Variants in DHX32 observed in about 807,000 individuals in gnomAD.
The protein encoded by DHX32 is DEAH-box helicase 32 (putative), also known as putative pre-mRNA-splicing factor ATP-dependent RNA helicase DHX32.
Under a neutral mutation model 70.0 loss-of-function variants are expected in DHX32, and 51 were observed. The ratio of observed to expected loss-of-function variants is 0.73; its 90% CI spans 0.58 to 0.92. DHX32 has a LOEUF of 0.92. Among genes scored for constraint, DHX32 ranks in the 40% least tolerant of loss-of-function variants. DHX32 has a pLI of 0.00. For synonymous variants in DHX32, 310 were observed against 315.3 expected, an observed-to-expected ratio of 0.98 and a Z score of 0.18; for missense variants, 762 against 891.8, an observed-to-expected ratio of 0.85 and a Z score of 1.85.
chr10:125,853,352 A>G (rs972295813), intron 4 of DHX32: 2 of 575,544 alleles, frequency 3.5e-6, no homozygotes, highest in East Asian at 3.1e-5. Context: ...GAGATCTCAA[A>G]TGTTAGGATT....
At chr10:125,848,060 A>T (rs1427768441) in intron 6 of DHX32, among the ~76,000 whole-genome samples, 1 of 152,186 alleles carries the variant, frequency 6.6e-6, no homozygotes, top group East Asian at 1.9e-4. Context: ...ACAGAGAAAA[A>T]TGCAGTTATC....
At chr10:125,884,674 AG>A (rs1353202840), upstream of DHX32, among the ~76,000 whole-genome samples, 3 of 152,260 alleles carry the variant, frequency 2.0e-5, no homozygotes, top group Non-Finnish European at 2.9e-5. Flanking sequence ...CAGTAATTCT[AG>A]AAATACAGTT....
Position 125,858,136 on chromosome 10 carries a change from C to T in DHX32, c.849+1467G>A, listed in dbSNP as rs556664697. ...GGCTGGTCTCAACCTCCTGGCCTCA[C>T]GTGATCCTCCCGCCTCAGCCTCCCA... On this transcript the variant is annotated intron_variant, in intron 3 of 10. Transcript: ENST00000284690. Among the ~76,000 whole-genome samples, 6 of 152,094 alleles carry T rather than the reference C, an allele frequency of 3.9e-5. No homozygotes were observed. In the East Asian group the frequency reaches 9.7e-4, roughly 24 times the overall value.
intron 6 of DHX32, among the ~76,000 whole-genome samples, chr10:125,847,938 C>T (rs933884642): frequency 6.6e-6 from 1 of 152,204 alleles, no homozygotes. Flanking sequence ...GCTTGCCCCC[C>T]ACTCACCTCC....
intron 6 of DHX32, among the ~76,000 whole-genome samples, chr10:125,845,825 G>A (rs898127381): frequency 2.0e-5 from 3 of 152,228 alleles, no homozygotes; most frequent in African/African-American, 7.2e-5. Context: ...CACCCGCACC[G>A]TGAGGCAGGC....
chr10:125,878,520 T>C (rs1376520515), intron 1 of DHX32, among the ~76,000 whole-genome samples: 2 of 152,238 alleles, frequency 1.3e-5, no homozygotes, highest in African/African-American at 4.8e-5. Context: ...TCTAGAGACT[T>C]GCTCATTTCT....
At chr10:125,852,113 G>A (rs1944098386) in intron 6 of DHX32, among the ~76,000 whole-genome samples, 180 bp downstream of exon 6, 1 of 152,018 alleles carries the variant, frequency 6.6e-6, no homozygotes, top group African/African-American at 2.4e-5. Context: ...GAGGTTTGTG[G>A]GGTTTTAAAA....
chr10:125,896,347 A>C, exon 1 of DHX32: 1 of 359,108 alleles, frequency 2.8e-6, no homozygotes, highest in Non-Finnish European at 4.9e-6. Context: ...ACGTCGGGGC[A>C]CAGGTCCTGC....
intron 1 of DHX32, among the ~76,000 whole-genome samples, chr10:125,879,458 A>G (rs763280748): frequency 2.8e-4 from 42 of 152,278 alleles, no homozygotes; most frequent in Non-Finnish European, 5.1e-4. Flanking sequence ...GACTTTATCA[A>G]TCAGAAACTG....
At chr10:125,892,289 C>G (rs577659392) in intron 1 of DHX32, among the ~76,000 whole-genome samples, 34 of 152,408 alleles carry the variant, frequency 2.2e-4, no homozygotes, top group African/African-American at 8.2e-4. Context: ...CATTTCTTCA[C>G]TGAGCTTCAG....
chr10:125,857,072 A>G (rs1944153244), intron 3 of DHX32, among the ~76,000 whole-genome samples: 1 of 152,252 alleles, frequency 6.6e-6, no homozygotes, highest in Non-Finnish European at 1.5e-5. Context: ...TATAGAAATC[A>G]AGAAAGCATC....
At chr10:125,891,546 A>AC (rs1450929816) in intron 1 of DHX32, among the ~76,000 whole-genome samples, 9 of 152,236 alleles carry the variant, frequency 5.9e-5, no homozygotes, top group Non-Finnish European at 1.3e-4. Context: ...AGCCTAGGCA[A>AC]CATAGCAAGA....
intron 1 of DHX32, among the ~76,000 whole-genome samples, chr10:125,871,423 A>G (rs1944254935): frequency 6.6e-6 from 1 of 152,220 alleles, no homozygotes; most frequent in African/African-American, 2.4e-5. Context: ...TTAATAGTTG[A>G]GCAGAAGTCA....
intron 6 of DHX32, among the ~76,000 whole-genome samples, chr10:125,851,686 GTTA>G (rs1944091149): frequency 6.6e-6 from 1 of 152,150 alleles, no homozygotes; most frequent in Admixed American, 6.5e-5. Context: ...TTTTGAGCTG[GTTA>G]TTCTGAGAAA....
At chr10:125,892,587 A>G (rs1328001110) in intron 1 of DHX32, among the ~76,000 whole-genome samples, 4 of 152,244 alleles carry the variant, frequency 2.6e-5, no homozygotes, top group African/African-American at 9.6e-5. Flanking sequence ...TTCGTGCCTC[A>G]GCCCAGGCTG....
rs549294569 is a variant in DHX32, at chr10:125,856,238, C to T, written c.850-2035G>A. ...GAAAACAGCAACACCCACTGAAGGA[C>T]GATATCTAGCAGACATCTAGCTCAC... On this transcript the variant is annotated intron_variant, in intron 3 of 10. Coordinates refer to ENST00000284690, the MANE Select transcript of DHX32 (RefSeq NM_018180.3). 4.8e-4 allele frequency among the ~76,000 whole-genome samples: 73 copies of T among 152,334 alleles called. No individual in the cohort carries two copies. The Middle Eastern group carries it at 0.02, about 43-fold the overall frequency.
At chr10:125,865,562 C>G (rs1446021389) in intron 2 of DHX32, among the ~76,000 whole-genome samples, 1 of 151,998 alleles carries the variant, frequency 6.6e-6, no homozygotes, top group Non-Finnish European at 1.5e-5. Flanking sequence ...CAGGGTCTCA[C>G]TCTGTCACCC....
chr10:125,865,619 T>C (rs909935361), intron 2 of DHX32, among the ~76,000 whole-genome samples: 1 of 152,080 alleles, frequency 6.6e-6, no homozygotes, highest in Admixed American at 6.5e-5. Context: ...AGCCTCGATT[T>C]CCTGGACTCA....
chr10:125,853,093 G>A (rs372226641), intron 4 of DHX32: 1 of 1,475,512 alleles, frequency 6.8e-7, no homozygotes, highest in Non-Finnish European at 9.4e-7. Flanking sequence ...TACAGAAACT[G>A]CGTATGGCAC....
Sources: allele counts gnomAD v4.1 joint callset (sites outside exome capture counted in the v4.1 genomes callset), GRCh38; gene constraint gnomAD v4.1.1; transcripts MANE v1.5; gene names NCBI Gene and HGNC (gene_info 2026-07-23, HGNC 2026-07-21).